CBFA2T2: variants seen among roughly 807,000 people sequenced by gnomAD.
The protein encoded by CBFA2T2 is protein CBFA2T2.
CBFA2T2 carries 11 observed loss-of-function variants against 62.2 expected under a neutral mutation model. The ratio of observed to expected loss-of-function variants is 0.18; its 90% CI spans 0.11 to 0.29. CBFA2T2 has a LOEUF of 0.29. Ranked by LOEUF, CBFA2T2 falls within the 10% of genes least tolerant of loss-of-function variation. The pLI, the probability that CBFA2T2 is intolerant of heterozygous loss-of-function variation, is 1.00. For synonymous variants in CBFA2T2, 295 were observed against 287.5 expected (o/e 1.03, Z -0.27); for missense variants, 592 against 774.1 (o/e 0.76, Z 2.79).
At chr20:33,632,669 C>T (rs1601103767) in intron 8 of CBFA2T2, among the ~76,000 whole-genome samples, 5 of 151,332 alleles carry the variant, frequency 3.3e-5, no homozygotes, top group Admixed American at 3.3e-4. Context: ...GGCTGGTCTT[C>T]AATTCCTAAC....
intron 1 of CBFA2T2, among the ~76,000 whole-genome samples, chr20:33,593,391 AT>A (rs754319345): frequency 0.27 from 29,508 of 109,506 alleles, 2,143 homozygotes; most frequent in African/African-American, 0.34. Flanking sequence ...TCTTGACTGG[AT>A]TTTTTTTTTT....
At chr20:33,611,715 A>G (rs1313809447) in intron 3 of CBFA2T2, among the ~76,000 whole-genome samples, 3 of 152,058 alleles carry the variant, frequency 2.0e-5, no homozygotes, top group South Asian at 2.1e-4. Context: ...GGATCTCTCT[A>G]TCTTGTTCAG....
chr20:33,611,526 T>G (rs186637673), intron 3 of CBFA2T2, among the ~76,000 whole-genome samples, 191 bp downstream of exon 3: 25 of 152,188 alleles, frequency 1.6e-4, no homozygotes, highest in Non-Finnish European at 3.2e-4. Context: ...CTTTTCTTCT[T>G]TCTTTTTTTT....
intron 1 of CBFA2T2, among the ~76,000 whole-genome samples, chr20:33,591,179 CA>C (rs80021195): frequency 1.8e-4 from 15 of 81,996 alleles, no homozygotes; most frequent in Non-Finnish European, 1.7e-4. Flanking sequence ...AACTCCCTCT[CA>C]AAAAAAAAAG....
chr20:33,536,936 C>T (rs112434085), intron 1 of CBFA2T2, among the ~76,000 whole-genome samples: 1 of 147,768 alleles, frequency 6.8e-6, no homozygotes, highest in African/African-American at 2.5e-5. Flanking sequence ...GGATGGCGGC[C>T]GGGCAGAGAC....
chr20:33,560,534 T>G (rs2013045309), intron 1 of CBFA2T2, among the ~76,000 whole-genome samples: 1 of 152,220 alleles, frequency 6.6e-6, no homozygotes, highest in South Asian at 2.1e-4. Context: ...TGACAAACAC[T>G]GAACCTGCTG....
Position 33,551,219 on chromosome 20 carries a change from C to CTT in CBFA2T2, c.35-55724_35-55723dup, listed in dbSNP as rs1167930785. On this transcript the variant is annotated intron_variant, in intron 1 of 10. Coordinates refer to ENST00000342704, the MANE Select transcript of CBFA2T2 (RefSeq NM_001032999.3). Reference sequence around the variant, plus strand: ...TTTTGACTTCCATTTATTTTCTGTGCTTTTTTTTTTTTTTGAGATGGAGTT... The same window carrying CTT: ...TTTTGACTTCCATTTATTTTCTGTGCTTTTTTTTTTTTTTTTGAGATGGAGTT... Among the ~76,000 whole-genome samples the CTT allele has an allele frequency of 2.2e-5, 3 of 137,688 alleles. No individual in the cohort carries two copies. The Admixed American group carries it at 2.2e-4, about 10-fold the overall frequency. The allele number at this position is 137,688 out of a possible 152,430, so 90.3% of individuals were successfully genotyped here.
chr20:33,568,688 A>G (rs905512731), intron 1 of CBFA2T2, among the ~76,000 whole-genome samples: 5 of 152,162 alleles, frequency 3.3e-5, no homozygotes, highest in Non-Finnish European at 5.9e-5. Flanking sequence ...AATTAGCATT[A>G]AAAACCCATC....
chr20:33,626,544 TTC>T (rs754818626), intron 6 of CBFA2T2, among the ~76,000 whole-genome samples: 5 of 152,214 alleles, frequency 3.3e-5, no homozygotes, highest in Non-Finnish European at 7.3e-5. Flanking sequence ...AACAAACCTC[TTC>T]TAGTTTTGGA....
rs1601087997 is a variant in CBFA2T2, at chr20:33,623,994, A to G, written c.692+698A>G. The G allele has an allele frequency of 5.2e-6, 3 of 572,672 alleles. No homozygotes were observed. The East Asian group carries it at 8.7e-5, about 17-fold the overall frequency. 35.5% of individuals were successfully genotyped at this position (572,672 alleles called of 1,614,324 possible). A position where few individuals can be genotyped will look rare whatever the true frequency, so the allele number is the denominator to read the frequency against. ...GAAAAGAAAAGAAAAAACAAAAAAA[A>G]AGAAATACAATCTGCCAAATGCCTT... On this transcript the variant is annotated intron_variant, in intron 5 of 10. Transcript: ENST00000342704.
intron 1 of CBFA2T2, among the ~76,000 whole-genome samples, chr20:33,538,049 CTGTT>C (rs1329377740): frequency 1.3e-5 from 2 of 148,788 alleles, no homozygotes; most frequent in African/African-American, 2.5e-5. Context: ...TACATTGAAT[CTGTT>C]TGGGGGAAGA....
At chr20:33,577,829 C>CT (rs2013898308) in intron 1 of CBFA2T2, among the ~76,000 whole-genome samples, 1 of 152,152 alleles carries the variant, frequency 6.6e-6, no homozygotes. Flanking sequence ...GTACCTTCTA[C>CT]TGTCTTAGTG....
chr20:33,565,608 A>C (rs567744315), intron 1 of CBFA2T2, among the ~76,000 whole-genome samples: 98 of 152,198 alleles, frequency 6.4e-4, no homozygotes, highest in Non-Finnish European at 1.2e-3. Context: ...GGGTGATTAA[A>C]AGTCTTGCTA....
intron 1 of CBFA2T2, among the ~76,000 whole-genome samples, chr20:33,514,775 C>T (rs1287488388): frequency 6.6e-6 from 1 of 151,906 alleles, no homozygotes; most frequent in African/African-American, 2.4e-5. Context: ...TTGCTCACTG[C>T]AACCTCCGCC....
intron 10 of CBFA2T2, among the ~76,000 whole-genome samples, chr20:33,642,260 A>G (rs1231224720): frequency 6.6e-6 from 1 of 151,894 alleles, no homozygotes; most frequent in East Asian, 1.9e-4. Context: ...AGCTGGGATT[A>G]CAGGCATGAG....
Position 33,644,556 on chromosome 20 carries a change from G to A in CBFA2T2, c.1698G>A (p.Val566=). 6.2e-7 allele frequency: 1 copy of A among 1,613,786 alleles called. No individual in the cohort carries two copies. The highest frequency in any genetic ancestry group is 8.5e-7 in the Non-Finnish European group (1 of 1,179,786). ...GSSARSADCS[V]PSPALDKTSA... is the part of the protein sequence containing the mutation. ...CTGCCAGGTCCGCCGACTGCAGCGT[G>A]CCCAGCCCAGCCCTCGACAAGACCT... Residue 566 remains valine, a synonymous_variant, in exon 11 of 11, where the codon GTG becomes GTA. Transcript: ENST00000342704.
At chr20:33,582,971 T>A (rs1445382652) in intron 1 of CBFA2T2, among the ~76,000 whole-genome samples, 1 of 152,004 alleles carries the variant, frequency 6.6e-6, no homozygotes, top group Non-Finnish European at 1.5e-5. Flanking sequence ...CAGCACTACC[T>A]TTTATTAAAC....
intron 4 of CBFA2T2, among the ~76,000 whole-genome samples, chr20:33,619,947 C>G (rs2015876913): frequency 6.6e-6 from 1 of 152,036 alleles, no homozygotes; most frequent in Non-Finnish European, 1.5e-5. Flanking sequence ...TGGGTATAGT[C>G]AGAGTGTGAA....
chr20:33,633,929 G>T (rs2016539438), intron 8 of CBFA2T2, among the ~76,000 whole-genome samples: 1 of 152,032 alleles, frequency 6.6e-6, no homozygotes, highest in South Asian at 2.1e-4. Flanking sequence ...TTATGAACTG[G>T]TCAGCCATCT....
Sources: gnomAD v4.1 joint callset for allele counts (sites outside exome capture counted in the v4.1 genomes callset) on GRCh38, gnomAD v4.1.1 for gene constraint, MANE v1.5 for transcripts, NCBI Gene and HGNC (gene_info 2026-07-23, HGNC 2026-07-21) for gene names.